Variants in PRR12 observed in about 807,000 individuals in gnomAD.
PRR12 encodes proline rich 12, also known as proline-rich protein 12.
In PRR12, 12 loss-of-function variants were observed where a neutral mutation model predicts 138.0. The ratio of observed to expected loss-of-function variants is 0.09; its 90% confidence interval spans 0.06 to 0.14. The LOEUF is 0.14. PRR12 is among the 10% of genes least tolerant of loss of function. The probability of loss-of-function intolerance (pLI) is 1.00; values close to 1 mark genes in which losing one functional copy is unlikely to be tolerated. For synonymous variants in PRR12, 1,567 were observed against 1,291.7 expected, an observed-to-expected ratio of 1.21 and a Z score of -4.57; for missense variants, 2,692 against 2,861.3, an observed-to-expected ratio of 0.94 and a Z score of 1.35.
rs1291944346 is a variant in PRR12 at position 49,625,709 on chromosome 19, G to T, written c.*102G>T. 1 of 1,426,052 alleles carries T rather than the reference G, an allele frequency of 7.0e-7. No individual in the cohort carries two copies. Among genetic ancestry groups the T allele is most frequent in the Non-Finnish European group, 9.3e-7 (1 of 1,078,034 alleles). 88.3% of individuals were successfully genotyped at this position (1,426,052 alleles called of 1,614,324 possible). A position where few individuals can be genotyped will look rare whatever the true frequency, so the allele number is the denominator to read the frequency against. On this transcript the variant is annotated 3_prime_UTR_variant, in exon 14 of 14. Coordinates refer to ENST00000418929, the MANE Select transcript of PRR12 (RefSeq NM_020719.3). The surrounding 1 kb of genome is among the most constrained non-coding windows in gnomAD (Gnocchi z 5.5). ...CACCTGGGCTCCATCGCCGGGGAAAGGGGGTCATGGGTCAGGGTGTGTCTG... is the reference window on the plus strand; with the variant it reads ...CACCTGGGCTCCATCGCCGGGGAAATGGGGTCATGGGTCAGGGTGTGTCTG...
intron 6 of PRR12, among the ~76,000 whole-genome samples, chr19:49,610,918 C>A (rs891346353): frequency 2.0e-5 from 3 of 151,572 alleles, no homozygotes; most frequent in Non-Finnish European, 4.4e-5. Context: ...AATCTTGGCT[C>A]GCTGCAACCT....
chr19:49,622,902 C>CA (rs1486176325), intron 11 of PRR12, among the ~76,000 whole-genome samples: 2 of 96,474 alleles, frequency 2.1e-5, no homozygotes, highest in Non-Finnish European at 4.1e-5. Flanking sequence ...AAAAAAAAAA[C>CA]AAAAACATAT....
rs1446224831 is a variant in PRR12, at chr19:49,596,167, G to A, written c.1832G>A (p.Gly611Glu). The part of the protein sequence containing the change: ...APPGAGSYAA[G>E]AGGYKGKGDG... ...CCGGGAGCTGGCAGCTATGCAGCCG[G>A]AGCAGGTGGCTACAAGGGCAAGGGG... The change falls in exon 4 of 14, where the codon GGA becomes GAA. Residue 611 changes from glycine (G) to glutamate (E), a missense_variant. By Grantham distance (98) the Gly-to-Glu change is moderately conservative (BLOSUM62 -2). This residue lies in a region of PRR12 where 66 missense variants were observed against 102.4 expected (regional missense o/e 0.64). Coordinates refer to ENST00000418929, the MANE Select transcript of PRR12 (RefSeq NM_020719.3). The surrounding 1 kb of genome is among the most constrained non-coding windows in gnomAD (Gnocchi z 5.6). The A allele has an allele frequency of 1.4e-5, 22 of 1,608,954 alleles. No homozygotes were observed. Among genetic ancestry groups the A allele is most frequent in the Non-Finnish European group, 1.9e-5 (22 of 1,179,780 alleles).
Position 49,625,529 on chromosome 19 carries a change from C to T in PRR12, c.6033C>T (p.Asn2011=), listed in dbSNP as rs919591544. 7.4e-6 allele frequency: 12 copies of T among 1,612,600 alleles called. No individual in the cohort carries two copies. Among genetic ancestry groups the T allele is most frequent in the Non-Finnish European group, 9.3e-6 (11 of 1,179,494 alleles). Residue 2011 remains asparagine, a synonymous_variant, in exon 14 of 14, where the codon AAC becomes AAT. Coordinates refer to ENST00000418929, the MANE Select transcript of PRR12 (RefSeq NM_020719.3). This position sits in a 1 kb window ranked among gnomAD's most constrained non-coding sequence, Gnocchi z 5.5. The stretch of plus-strand genomic sequence containing the variant: ...AGGTGGTCCAGCAGTGCATGCGGAA[C>T]CAGCCGTGGCTGGAACAGCTCTTTG... ...QEEVVQQCMR[N]QPWLEQLFDS... is the part of the protein sequence containing the mutation.
chr19:49,594,375 T>C lies in PRR12; in HGVS notation c.200-79T>C. On this transcript the variant is annotated intron_variant, in intron 2 of 13. Coordinates refer to ENST00000418929, the MANE Select transcript of PRR12 (RefSeq NM_020719.3). This position sits in a 1 kb window ranked among gnomAD's most constrained non-coding sequence, Gnocchi z 5.6. ...CCCTCCTTTTCCTGATCCAACTTGC[T>C]TTTGGCCTCTTCCCTTTCTCTCTTG... The C allele has an allele frequency of 1.4e-6, 2 of 1,398,498 alleles. No individual in the cohort carries two copies. Among genetic ancestry groups the C allele is most frequent in the South Asian group, 1.4e-5 (1 of 70,524 alleles). 86.6% of individuals were successfully genotyped at this position (1,398,498 alleles called of 1,614,324 possible).
rs143584100 is a variant in PRR12 at position 49,621,599 on chromosome 19, C to A, written c.5698C>A (p.Leu1900Met). 2 of 1,598,682 alleles carry A rather than the reference C, an allele frequency of 1.3e-6. No individual in the cohort carries two copies. Among genetic ancestry groups the A allele is most frequent in the East Asian group, 2.3e-5 (1 of 44,062 alleles). ...NEHKKKVLKR[L>M]SLSPALQDAL... The stretch of plus-strand genomic sequence containing the variant: ...GCACAAGAAGAAAGTCCTGAAGCGG[C>A]TGTCGCTAAGCCCAGCCCTGCAGGT... Residue 1900 changes from leucine (L) to methionine (M), a missense_variant, in exon 11 of 14, where the codon CTG becomes ATG. This residue lies in a region of PRR12 where 116 missense variants were observed against 243.4 expected (regional missense o/e 0.48). Coordinates refer to ENST00000418929, the MANE Select transcript of PRR12 (RefSeq NM_020719.3).
rs192590276 is a variant in PRR12 at position 49,610,834 on chromosome 19, C to T, written c.4774-3699C>T. On this transcript the variant is annotated intron_variant, in intron 6 of 13. Transcript: ENST00000418929. The stretch of plus-strand genomic sequence containing the variant: ...CTGGGATTACAGATGTGAGCCACTG[C>T]GCCCGGCCTTTTTTTTGTTTTGTTT... Among the ~76,000 whole-genome samples, 35 of 151,828 alleles carry T rather than the reference C, an allele frequency of 2.3e-4. 1 individual carries two copies. The highest frequency in any genetic ancestry group is 1.7e-3 in the South Asian group (8 of 4,808).
rs186611707 is a variant in PRR12, at chr19:49,599,612, C to T, written c.4019C>T (p.Ala1340Val). The change falls in exon 5 of 14, where the codon GCC (alanine) becomes GTC (valine). Residue 1340 changes from alanine (A) to valine (V), a missense_variant. Coordinates refer to ENST00000418929, the MANE Select transcript of PRR12 (RefSeq NM_020719.3). The surrounding 1 kb of genome is among the most constrained non-coding windows in gnomAD (Gnocchi z 5.0). ...GTGCCACATCCCCCACCTTCCGGAG[C>T]CTTTGGGCTTGGGGGCGCCCTGGAG... ...PAVPHPPPSGAFGLGGALEAA... is the reference protein window; with the variant it reads ...PAVPHPPPSGVFGLGGALEAA... The T allele has an allele frequency of 1.1e-5, 17 of 1,602,736 alleles. No homozygotes were observed. In the Admixed American group the frequency reaches 1.2e-4, roughly 11 times the overall value.
Position 49,597,433 on chromosome 19 carries a change from G to C in PRR12, c.3098G>C (p.Gly1033Ala). The part of the protein sequence containing the change: ...NAEPLGLIQS[G>A]PHQAAPPPPP... ...GAGCCGCTGGGCCTGATCCAGAGTGGCCCCCACCAGGCGGCGCCACCACCC... is the reference window on the plus strand; with the variant it reads ...GAGCCGCTGGGCCTGATCCAGAGTGCCCCCCACCAGGCGGCGCCACCACCC... The change falls in exon 4 of 14, where the codon GGC becomes GCC. Residue 1033 changes from glycine (G) to alanine (A), a missense_variant. Coordinates refer to ENST00000418929, the MANE Select transcript of PRR12 (RefSeq NM_020719.3). This position sits in a 1 kb window ranked among gnomAD's most constrained non-coding sequence, Gnocchi z 6.3. 1.3e-6 allele frequency: 2 copies of C among 1,538,046 alleles called. No homozygotes were observed. Among genetic ancestry groups the C allele is most frequent in the Non-Finnish European group, 1.7e-6 (2 of 1,145,678 alleles).
intron 6 of PRR12, among the ~76,000 whole-genome samples, chr19:49,612,667 G>C (rs897696572): frequency 2.0e-5 from 3 of 151,938 alleles, no homozygotes; most frequent in Admixed American, 6.6e-5. Flanking sequence ...TCCTCAAGCT[G>C]CTGCTTTTTC....
At position 49,625,752 on chromosome 19, in the gene PRR12, C is replaced by T; in HGVS notation, c.*145C>T. 8.7e-7 allele frequency: 1 copy of T among 1,147,140 alleles called. No individual in the cohort carries two copies. The highest frequency in any genetic ancestry group is 2.1e-5 in the South Asian group (1 of 46,590). 71.1% of individuals were successfully genotyped at this position (1,147,140 alleles called of 1,614,324 possible). On this transcript the variant is annotated 3_prime_UTR_variant, in exon 14 of 14. Coordinates refer to ENST00000418929, the MANE Select transcript of PRR12 (RefSeq NM_020719.3). The surrounding 1 kb of genome is among the most constrained non-coding windows in gnomAD (Gnocchi z 5.5). Reference sequence around the variant, plus strand: ...TGTGTCTGTGCTGCCCCCTCCAGGGCAGGGTTCAAAGTCCGACTCCCCCCC... The same window carrying T: ...TGTGTCTGTGCTGCCCCCTCCAGGGTAGGGTTCAAAGTCCGACTCCCCCCC...
rs540434246 is a variant in PRR12 at position 49,604,848 on chromosome 19, G to A, written c.4773+2930G>A. ...CAGGTTAAAAAGTCCTTCTGATTGG[G>A]GATTTCTATGCCCGTTTTTTCTGAG... On this transcript the variant is annotated intron_variant, in intron 6 of 13. Coordinates refer to ENST00000418929, the MANE Select transcript of PRR12 (RefSeq NM_020719.3). Among the ~76,000 whole-genome samples the A allele has an allele frequency of 7.2e-5, 11 of 152,056 alleles. No homozygotes were observed. The East Asian group carries it at 1.5e-3, about 21-fold the overall frequency.
At chr19:49,609,735 G>A (rs745711319) in intron 6 of PRR12, among the ~76,000 whole-genome samples, 2 of 152,202 alleles carry the variant, frequency 1.3e-5, no homozygotes, top group Non-Finnish European at 2.9e-5. Context: ...GATGCAAGGT[G>A]TTGAATGGCT....
intron 9 of PRR12, among the ~76,000 whole-genome samples, chr19:49,617,152 G>C (rs931998696): frequency 6.6e-6 from 1 of 151,458 alleles, no homozygotes; most frequent in Non-Finnish European, 1.5e-5. Context: ...AAAAAGTCTG[G>C]TTAGTGATGA....
chr19:49,593,163 C>G (rs2080740592), intron 1 of PRR12, among the ~76,000 whole-genome samples, 164 bp from the exon 2 acceptor site: 1 of 152,022 alleles, frequency 6.6e-6, no homozygotes, highest in Non-Finnish European at 1.5e-5. Flanking sequence ...GTTGAGCACC[C>G]CGATTCCCTT....
Position 49,596,066 on chromosome 19 carries a change from A to T in PRR12, c.1731A>T (p.Pro577=), listed in dbSNP as rs2080766094. Residue 577 remains proline (P), a synonymous_variant, in exon 4 of 14, where the codon CCA becomes CCT. Coordinates refer to ENST00000418929, the MANE Select transcript of PRR12 (RefSeq NM_020719.3). The surrounding 1 kb of genome is among the most constrained non-coding windows in gnomAD (Gnocchi z 5.6). ...AGTCACCGCCTGCCACCGGCCGTCCACCTGGAGTCGGCTCTCCAGGAGCCC... is the reference window on the plus strand; with the variant it reads ...AGTCACCGCCTGCCACCGGCCGTCCTCCTGGAGTCGGCTCTCCAGGAGCCC... The part of the protein sequence containing the change: ...PLQSPPATGR[P]PGVGSPGAPG... The T allele has an allele frequency of 6.2e-7, 1 of 1,601,700 alleles. No homozygotes were observed. The highest frequency in any genetic ancestry group is 8.5e-7 in the Non-Finnish European group (1 of 1,179,722).
In PRR12 at chr19:49,601,701, C is replaced by G. The variant is rs1228525938; in HGVS notation, c.4556C>G (p.Ala1519Gly). The G allele has an allele frequency of 6.5e-7, 1 of 1,540,594 alleles. No individual in the cohort carries two copies. Among genetic ancestry groups the G allele is most frequent in the African/African-American group, 1.4e-5 (1 of 72,946 alleles). Residue 1519 changes from alanine to glycine, a missense_variant, in exon 6 of 14, where the codon GCC becomes GGC. Transcript: ENST00000418929. ...MPSPPPPPPP[A>G]AAPLAAPPEE... ...TCGCCTCCACCACCACCCCCACCAG[C>G]CGCTGCCCCACTGGCTGCTCCTCCT...
At chr19:49,621,835 C>A in intron 11 of PRR12, 2 of 568,302 alleles carry the variant, frequency 3.5e-6, no homozygotes, top group Non-Finnish European at 6.3e-6. Context: ...GGCCTTGGGG[C>A]AGCAGAGGGG....
intron 9 of PRR12, among the ~76,000 whole-genome samples, chr19:49,618,900 T>G (rs1414539232): frequency 6.6e-6 from 1 of 151,892 alleles, no homozygotes; most frequent in Non-Finnish European, 1.5e-5. Flanking sequence ...TTAGGAGGGA[T>G]CTTTCTACGC....
Sources: gnomAD v4.1 joint callset for allele counts (sites outside exome capture counted in the v4.1 genomes callset) on GRCh38, gnomAD v4.1.1 for gene constraint, gnomAD v4.1.1 regional missense constraint, Gnocchi (gnomAD v3.1) non-coding constraint, MANE v1.5 for transcripts, NCBI Gene and HGNC (gene_info 2026-07-23, HGNC 2026-07-21) for gene names.